The following TBCD variants were observed in gnomAD, a reference collection of about 807,000 sequenced individuals.
The protein encoded by TBCD is tubulin folding cofactor D.
Under a neutral mutation model 169.3 loss-of-function variants are expected in TBCD, and 105 were observed. The observed-to-expected ratio is 0.62, with a 90% CI of 0.53 to 0.73. The LOEUF is 0.73. Among genes scored for constraint, TBCD ranks in the 30% least tolerant of loss-of-function variants. TBCD has a pLI of 0.00. For synonymous variants in TBCD, 700 were observed against 643.9 expected (o/e 1.09, Z -1.32); for missense variants, 1,444 against 1,600.1 (o/e 0.90, Z 1.66).
At chr17:82,819,698 T>G (rs1348703965) in intron 13 of TBCD, among the ~76,000 whole-genome samples, 1 of 152,210 alleles carries the variant, frequency 6.6e-6, no homozygotes. Context: ...CATGTTCTTT[T>G]TCTCTTTGCA....
chr17:82,820,988 C>CT (rs2052369592), intron 13 of TBCD, among the ~76,000 whole-genome samples: 1 of 152,192 alleles, frequency 6.6e-6, no homozygotes, highest in African/African-American at 2.4e-5. Context: ...CAGGGTCTTG[C>CT]TCTGTCGCCC....
At chr17:82,763,845 T>C in intron 2 of TBCD, 120 bp from the exon 3 acceptor site, 3 of 763,820 alleles carry the variant, frequency 3.9e-6, no homozygotes, top group Middle Eastern at 2.3e-4. Flanking sequence ...CTTCAAATGA[T>C]CCTCCCACCT....
At chr17:82,873,424 G>C (rs967873307) in intron 14 of TBCD, among the ~76,000 whole-genome samples, 33 of 152,160 alleles carry the variant, frequency 2.2e-4, no homozygotes, top group Admixed American at 1.2e-3. Context: ...TGGGTTCTCT[G>C]TTTTGGGGGA....
At chr17:82,781,072 C>G (rs2048915744) in intron 6 of TBCD, among the ~76,000 whole-genome samples, 1 of 151,972 alleles carries the variant, frequency 6.6e-6, no homozygotes, top group Non-Finnish European at 1.5e-5. Context: ...GGAAGACTTT[C>G]ATGGGGCTAC....
chr17:82,915,224 G>A lies in TBCD; in HGVS notation c.2038+3435G>A, dbSNP rs115841601. Among the ~76,000 whole-genome samples the A allele has an allele frequency of 8.2e-3, 1,251 of 152,222 alleles. 19 individuals are homozygous for A. Among genetic ancestry groups the A allele is most frequent in the African/African-American group, 0.028 (1,170 of 41,522 alleles). ...GACGCCGGCATGTCGGTGACATGCC[G>A]CCCGCAGGAGCATCAGGTGCGCCCT... On this transcript the variant is annotated intron_variant, in intron 23 of 38. Transcript: ENST00000355528. The surrounding 1 kb of genome is among the most constrained non-coding windows in gnomAD (Gnocchi z 4.3).
chr17:82,882,763 A>T (rs1464688855), intron 14 of TBCD, among the ~76,000 whole-genome samples: 1 of 151,958 alleles, frequency 6.6e-6, no homozygotes, highest in Non-Finnish European at 1.5e-5. Context: ...GAAACCGGAG[A>T]GCAAGGCCAG....
chr17:82,807,470 C>T (rs1182924959), intron 10 of TBCD, 138 bp from the exon 11 acceptor site: 4 of 485,294 alleles, frequency 8.2e-6, no homozygotes, highest in Non-Finnish European at 3.3e-6. Flanking sequence ...TGTTCTTTTC[C>T]TGTCATTAAA....
At chr17:82,926,711 C>T (rs2061792226) in intron 28 of TBCD, among the ~76,000 whole-genome samples, 1 of 152,200 alleles carries the variant, frequency 6.6e-6, no homozygotes, top group African/African-American at 2.4e-5. Context: ...CACTGGGCCC[C>T]TTGGAGAATT....
chr17:82,896,025 G>A (rs892460993), intron 17 of TBCD: 4 of 152,156 alleles, frequency 2.6e-5, no homozygotes, highest in Non-Finnish European at 1.5e-5. Flanking sequence ...CTGTAAATTC[G>A]TACCTATCAC....
chr17:82,897,959 C>CG, intron 17 of TBCD, among the ~76,000 whole-genome samples: 1 of 151,202 alleles, frequency 6.6e-6, no homozygotes, highest in South Asian at 2.1e-4. Flanking sequence ...TGTGAGCACA[C>CG]GTCACGGCTC....
intron 13 of TBCD, among the ~76,000 whole-genome samples, chr17:82,869,530 G>C (rs1407082131): frequency 6.6e-6 from 1 of 152,122 alleles, no homozygotes; most frequent in African/African-American, 2.4e-5. Context: ...AAAAAAATAA[G>C]AAATAAATGA....
intron 20 of TBCD, among the ~76,000 whole-genome samples, chr17:82,907,461 T>C (rs2060329578): frequency 6.6e-6 from 1 of 152,190 alleles, no homozygotes. Context: ...GGTGGGGGGA[T>C]TGTTAGGGCC....
rs1476104274 is a variant in TBCD, at chr17:82,835,590, T to C, written c.1318+20656T>C. ...GGTGCCTACCACCACGCCCAGCTAA[T>C]TTTTTTGTAATTTTAGTAGAGATGG... On this transcript the variant is annotated intron_variant, in intron 13 of 38. Coordinates refer to ENST00000355528, the MANE Select transcript of TBCD (RefSeq NM_005993.5). The surrounding 1 kb of genome is among the most constrained non-coding windows in gnomAD (Gnocchi z 4.5). 6.6e-6 allele frequency among the ~76,000 whole-genome samples: 1 copy of C among 151,968 alleles called. No homozygotes were observed. The highest frequency in any genetic ancestry group is 1.5e-5 in the Non-Finnish European group (1 of 67,978).
chr17:82,830,793 G>C (rs373342505), intron 13 of TBCD: 8 of 1,613,542 alleles, frequency 5.0e-6, no homozygotes, highest in South Asian at 3.3e-5. Flanking sequence ...TCCCGGAGCT[G>C]TCGTCCGGAC....
intron 14 of TBCD, among the ~76,000 whole-genome samples, chr17:82,875,883 G>A (rs2057934620): frequency 6.6e-6 from 1 of 152,136 alleles, no homozygotes; most frequent in African/African-American, 2.4e-5. Context: ...AAATTCTCGT[G>A]TTTTACCACT....
At chr17:82,836,695 A>G (rs2054006498) in intron 13 of TBCD, among the ~76,000 whole-genome samples, 1 of 148,824 alleles carries the variant, frequency 6.7e-6, no homozygotes, top group African/African-American at 2.6e-5. Context: ...GGCAAAAAAA[A>G]AAACAAAACA....
intron 13 of TBCD, among the ~76,000 whole-genome samples, chr17:82,815,322 A>G (rs936573050): frequency 3.3e-5 from 5 of 152,220 alleles, no homozygotes; most frequent in Admixed American, 2.0e-4. Flanking sequence ...CTTGAGGGAC[A>G]TTGTCGCCCC....
At chr17:82,755,263 G>C (rs2047342844) in intron 1 of TBCD, among the ~76,000 whole-genome samples, 1 of 152,200 alleles carries the variant, frequency 6.6e-6, no homozygotes, top group South Asian at 2.1e-4. Flanking sequence ...GAAGGTTCCA[G>C]TTAGCTGGTT....
In TBCD at chr17:82,874,433, C is replaced by T. The variant is rs773364576; in HGVS notation, c.1475+4053C>T. On this transcript the variant is annotated intron_variant, in intron 14 of 38. Transcript: ENST00000355528. This position sits in a 1 kb window ranked among gnomAD's most constrained non-coding sequence, Gnocchi z 5.0. ...CTGGGTGCGTCTCCACCATGGCTCC[C>T]GGGTTCCCTTGCGCACACCGAGCCA... Among the ~76,000 whole-genome samples the T allele has an allele frequency of 5.2e-4, 79 of 152,078 alleles. No individual in the cohort carries two copies. Among genetic ancestry groups the T allele is most frequent in the Admixed American group, 7.2e-4 (11 of 15,280 alleles).
Sources: allele counts gnomAD v4.1 joint callset (sites outside exome capture counted in the v4.1 genomes callset), GRCh38; gene constraint gnomAD v4.1.1; non-coding constraint Gnocchi (gnomAD v3.1); transcripts MANE v1.5; gene names NCBI Gene and HGNC (gene_info 2026-07-23, HGNC 2026-07-21).